Variants in CELF2 observed in about 807,000 individuals in gnomAD.
CELF2 encodes the protein CUGBP Elav-like family member 2.
In CELF2, 8 loss-of-function variants were observed where a neutral mutation model predicts 62.6. That is an observed-to-expected ratio of 0.13 (90% CI 0.07 to 0.23). CELF2 has a LOEUF of 0.23. Ranked by LOEUF, CELF2 falls within the 10% of genes least tolerant of loss-of-function variation. The probability of loss-of-function intolerance (pLI) is 1.00; values close to 1 mark genes in which losing one functional copy is unlikely to be tolerated. For missense variants in CELF2, 333 were observed against 671.0 expected (o/e 0.50, Z 5.56); for synonymous variants, 258 against 250.0 (o/e 1.03, Z -0.30).
chr10:10,924,269 G>A (rs548473216), intron 2 of CELF2, among the ~76,000 whole-genome samples: 13 of 100,390 alleles, frequency 1.3e-4, no homozygotes, highest in African/African-American at 3.6e-4. Context: ...GCAACACAGC[G>A]AGACTCCGTC....
chr10:10,905,314 G>A (rs7088204), intron 1 of CELF2, among the ~76,000 whole-genome samples: 39,811 of 152,032 alleles, frequency 0.26, 5,932 homozygotes, highest in East Asian at 0.65. Flanking sequence ...CAGTATATTC[G>A]TATCTTTGTC....
At position 11,288,499 on chromosome 10, in the gene CELF2, A is replaced by G. The variant is rs41291249; in HGVS notation, c.923A>G (p.Asn308Ser). 1,862 of 1,613,952 alleles carry G rather than the reference A, an allele frequency of 1.2e-3. 2 individuals carry two copies. The highest frequency in any genetic ancestry group is 1.4e-3 in the Non-Finnish European group (1,656 of 1,180,024). ...AAAQTSATST[N>S]ANPLSTTSSA... The stretch of plus-strand genomic sequence containing the variant: ...GCCCAGACCTCAGCCACCAGCACCA[A>G]TGCAAACCCTCTCTCTACCACGAGC... Residue 308 changes from asparagine (N) to serine (S), a missense_variant, in exon 9 of 13, where the codon AAT becomes AGT. Physicochemically the swap from Asn to Ser is conservative, Grantham distance 46. Transcript: ENST00000633077.
chr10:10,913,497 T>C (rs1327141116), intron 1 of CELF2, among the ~76,000 whole-genome samples: 2 of 144,944 alleles, frequency 1.4e-5, no homozygotes, highest in Admixed American at 1.4e-4. Flanking sequence ...TTCAAGCGAT[T>C]CTCCTGCCTC....
At chr10:10,839,713 T>C (rs1342300698) in intron 1 of CELF2, among the ~76,000 whole-genome samples, 1 of 152,218 alleles carries the variant, frequency 6.6e-6, no homozygotes, top group Non-Finnish European at 1.5e-5. Flanking sequence ...CTGGACCTTA[T>C]GAATGATGTT....
intron 1 of CELF2, among the ~76,000 whole-genome samples, chr10:10,816,551 C>G (rs192177075): frequency 6.6e-6 from 1 of 152,234 alleles, no homozygotes; most frequent in African/African-American, 2.4e-5. Flanking sequence ...AGCCATAGAG[C>G]TGTAAGAAGA....
upstream of CELF2, among the ~76,000 whole-genome samples, chr10:11,000,972 A>T (rs1430286311): frequency 6.6e-6 from 1 of 152,198 alleles, no homozygotes; most frequent in African/African-American, 2.4e-5. Flanking sequence ...CTTCTTCTGC[A>T]GTTGATAAAT....
the CELF2 span, among the ~76,000 whole-genome samples, chr10:10,731,777 A>G: frequency 6.6e-6 from 1 of 152,150 alleles, no homozygotes; most frequent in South Asian, 2.1e-4. Flanking sequence ...CTCGGTAGGA[A>G]CAGAAGAAGG....
In CELF2 at chr10:11,177,676, G is replaced by A. The variant is rs1011553838; in HGVS notation, c.271+11994G>A. Among the ~76,000 whole-genome samples the A allele has an allele frequency of 5.3e-5, 8 of 152,316 alleles. No homozygotes were observed. Among genetic ancestry groups the A allele is most frequent in the Non-Finnish European group, 1.0e-4 (7 of 68,022 alleles). ...GCCTTAGTTTTTAAATCCTCTGTAA[G>A]ATAGTCAAGGCTTCTCCAGTAGAAA... is the stretch of plus-strand genomic sequence containing the variant. On this transcript the variant is annotated intron_variant, in intron 2 of 12. Coordinates refer to ENST00000633077, the MANE Select transcript of CELF2 (RefSeq NM_001326342.2). This position sits in a 1 kb window ranked among gnomAD's most constrained non-coding sequence, Gnocchi z 4.8.
At position 11,305,440 on chromosome 10, in the gene CELF2, C is replaced by T. The variant is rs373368358; in HGVS notation, c.977-8699C>T. Among the ~76,000 whole-genome samples the T allele has an allele frequency of 7.9e-5, 12 of 152,348 alleles. No individual in the cohort carries two copies. Among genetic ancestry groups the T allele is most frequent in the East Asian group, 7.7e-4 (4 of 5,184 alleles). On this transcript the variant is annotated intron_variant, in intron 9 of 12. Coordinates refer to ENST00000633077, the MANE Select transcript of CELF2 (RefSeq NM_001326342.2). The surrounding 1 kb of genome is among the most constrained non-coding windows in gnomAD (Gnocchi z 4.8). The stretch of plus-strand genomic sequence containing the variant: ...ACACTCTGGGCCTCTGCTTCCTCAT[C>T]TTTCAAGCGCAGGAAAGACTCCAGT...
chr10:11,281,386 G>T (rs1396436903), intron 8 of CELF2, among the ~76,000 whole-genome samples: 1 of 152,184 alleles, frequency 6.6e-6, no homozygotes, highest in Non-Finnish European at 1.5e-5. Context: ...GCGGACGAGG[G>T]TCTGTCTGGT....
At chr10:10,842,121 A>T (rs1053571968) in intron 1 of CELF2, among the ~76,000 whole-genome samples, 1 of 152,056 alleles carries the variant, frequency 6.6e-6, no homozygotes, top group African/African-American at 2.4e-5. Flanking sequence ...ATGGTGAAAA[A>T]TTAACTTGTA....
Position 11,334,068 on chromosome 10 carries a change from A to AT in CELF2, c.*5019dup, listed in dbSNP as rs2096076439. 6.6e-6 allele frequency: 1 copy of AT among 152,606 alleles called. No homozygotes were observed. The highest frequency in any genetic ancestry group is 2.4e-5 in the African/African-American group (1 of 41,448). The allele number at this position is 152,606 out of a possible 1,614,324, so 9.5% of individuals were successfully genotyped here. Reference sequence around the variant, plus strand: ...CCCTTTGCTTATATCTAGCATTAGAATTTTGTCTTAAAATAACAGCGGTAA... The same window carrying AT: ...CCCTTTGCTTATATCTAGCATTAGAATTTTTGTCTTAAAATAACAGCGGTAA... On this transcript the variant is annotated 3_prime_UTR_variant, in exon 13 of 13. Transcript: ENST00000633077.
At position 11,008,800 on chromosome 10, in the gene CELF2, A is replaced by G. The variant is rs968495283; in HGVS notation, c.53+3360A>G. ...TGAGCATATTAGAAATATCCCACTT[A>G]GATTTCTTTGTATGGAGATTTCTGT... is the stretch of plus-strand genomic sequence containing the variant. On this transcript the variant is annotated intron_variant, in intron 1 of 12. Coordinates refer to the CELF2 transcript ENST00000416382. The surrounding 1 kb of genome is among the most constrained non-coding windows in gnomAD (Gnocchi z 4.5). 2.0e-4 allele frequency among the ~76,000 whole-genome samples: 30 copies of G among 152,152 alleles called. No individual in the cohort carries two copies. The highest frequency in any genetic ancestry group is 7.2e-4 in the African/African-American group (30 of 41,444).
chr10:11,037,039 T>G (rs552901651), intron 1 of CELF2, among the ~76,000 whole-genome samples: 1 of 151,378 alleles, frequency 6.6e-6, no homozygotes, highest in African/African-American at 2.4e-5. Context: ...AGCTTCTATC[T>G]TCACCCACTG....
intron 1 of CELF2, among the ~76,000 whole-genome samples, chr10:10,831,691 G>C (rs2057869076): frequency 6.6e-6 from 1 of 152,222 alleles, no homozygotes; most frequent in South Asian, 2.1e-4. Flanking sequence ...ATTTGCTATG[G>C]CTGGGCAAGG....
the CELF2 span, among the ~76,000 whole-genome samples, chr10:10,709,630 T>C: frequency 6.6e-6 from 1 of 152,212 alleles, no homozygotes; most frequent in East Asian, 1.9e-4. Flanking sequence ...TTTTCCAAGC[T>C]ACTCAGGATC....
At chr10:10,710,302 C>T in the CELF2 span, among the ~76,000 whole-genome samples, 3 of 152,122 alleles carry the variant, frequency 2.0e-5, no homozygotes, top group Non-Finnish European at 2.9e-5. Flanking sequence ...TTGTTACCGT[C>T]GTCATAAAGC....
chr10:11,268,690 CTTGT>C lies in CELF2; in HGVS notation c.619-1972_619-1969del, dbSNP rs1478048363. Among the ~76,000 whole-genome samples, 2 of 83,472 alleles carry C rather than the reference CTTGT, an allele frequency of 2.4e-5. No homozygotes were observed. Among genetic ancestry groups the C allele is most frequent in the African/African-American group, 6.2e-5 (2 of 32,360 alleles). The allele number at this position is 83,472 out of a possible 152,430, so 54.8% of individuals were successfully genotyped here. A position where few individuals can be genotyped will look rare whatever the true frequency, so the allele number is the denominator to read the frequency against. On this transcript the variant is annotated intron_variant, in intron 6 of 12. Coordinates refer to ENST00000633077, the MANE Select transcript of CELF2 (RefSeq NM_001326342.2). This position sits in a 1 kb window ranked among gnomAD's most constrained non-coding sequence, Gnocchi z 4.7. ...GAGGGGTCCTCTGACACTTAAATTT[CTTGT>C]TTGGTTTTTTTTTTAATTGGCATTT... is the stretch of plus-strand genomic sequence containing the variant.
chr10:10,939,760 C>G (rs2046843583), intron 2 of CELF2, among the ~76,000 whole-genome samples: 3 of 151,982 alleles, frequency 2.0e-5, no homozygotes, highest in South Asian at 4.2e-4. Context: ...CGAGACCATC[C>G]TGGCTAACAC....
Sources: allele counts gnomAD v4.1 joint callset (sites outside exome capture counted in the v4.1 genomes callset), GRCh38; gene constraint gnomAD v4.1.1; non-coding constraint Gnocchi (gnomAD v3.1); transcripts MANE v1.5; gene names NCBI Gene and HGNC (gene_info 2026-07-23, HGNC 2026-07-21).